CCDC102A: variants seen among roughly 807,000 people sequenced by gnomAD.
The protein encoded by CCDC102A is coiled-coil domain-containing protein 102A.
CCDC102A carries 40 observed loss-of-function variants against 55.5 expected under a neutral mutation model. The ratio of observed to expected loss-of-function variants is 0.72; its 90% CI spans 0.56 to 0.94. The LOEUF (loss-of-function observed/expected upper bound fraction) is 0.94. CCDC102A is among the 40% of genes least tolerant of loss of function. The pLI, the probability that CCDC102A is intolerant of heterozygous loss-of-function variation, is 0.00. For missense variants in CCDC102A, 779 were observed against 768.6 expected (o/e 1.01, Z -0.16); for synonymous variants, 323 against 339.0 (o/e 0.95, Z 0.52).
chr16:57,512,926 A>C, intron 8 of CCDC102A, 56 bp from the exon 9 acceptor site: 1 of 1,506,050 alleles, frequency 6.6e-7, no homozygotes, highest in Non-Finnish European at 9.1e-7. Flanking sequence ...TCCCCCGATA[A>C]GGTGGCTGCA....
chr16:57,522,267 G>A (rs2032065145), intron 3 of CCDC102A, among the ~76,000 whole-genome samples: 1 of 152,216 alleles, frequency 6.6e-6, no homozygotes, highest in African/African-American at 2.4e-5. Context: ...ATCTGGCTCT[G>A]TTGCTCAGGC....
At chr16:57,522,311 G>T (rs189320549) in intron 3 of CCDC102A, among the ~76,000 whole-genome samples, 1 of 152,230 alleles carries the variant, frequency 6.6e-6, no homozygotes, top group African/African-American at 2.4e-5. Context: ...CCCTGGAACT[G>T]CACTCCCTAC....
rs1365091531 is a variant in CCDC102A, at chr16:57,529,219, C to T, written c.-42G>A. 1.6e-5 allele frequency: 19 copies of T among 1,152,648 alleles called. No individual in the cohort carries two copies. The highest frequency in any genetic ancestry group is 4.7e-5 in the Admixed American group (1 of 21,070). 71.4% of individuals were successfully genotyped at this position (1,152,648 alleles called of 1,614,324 possible). A position where few individuals can be genotyped will look rare whatever the true frequency, so the allele number is the denominator to read the frequency against. ...CCCTGAGCTCGAACTCGCGGTCGGG[C>T]TCAGGGGCGGCTCCGGGGACGCGCG... On this transcript the variant is annotated 5_prime_UTR_variant, in exon 2 of 9. Transcript: ENST00000258214. The surrounding 1 kb of genome is among the most constrained non-coding windows in gnomAD (Gnocchi z 4.1).
chr16:57,518,402 G>T (rs2031994605), intron 5 of CCDC102A, 125 bp from the exon 6 acceptor site: 4 of 924,508 alleles, frequency 4.3e-6, no homozygotes, highest in Non-Finnish European at 6.5e-6. Context: ...TGCATTGGCT[G>T]TAATTAAGCT....
At position 57,520,482 on chromosome 16, in the gene CCDC102A, G is replaced by C. The variant is rs559460380; in HGVS notation, c.921+586C>G. Among the ~76,000 whole-genome samples, 3 of 151,580 alleles carry C rather than the reference G, an allele frequency of 2.0e-5. No homozygotes were observed. In the South Asian group the frequency reaches 6.2e-4, roughly 32 times the overall value. ...CCCATGCCCACAGCCCCCACAAAGT[G>C]AGCTCCTGAAGGCAGGGACCTTGCC... On this transcript the variant is annotated intron_variant, in intron 4 of 8. Transcript: ENST00000258214.
intron 8 of CCDC102A, among the ~76,000 whole-genome samples, chr16:57,514,350 C>A (rs1009950627): frequency 3.9e-5 from 6 of 152,192 alleles, no homozygotes; most frequent in African/African-American, 1.4e-4. Context: ...CAGGCACACA[C>A]CACCATGCCT....
chr16:57,530,244 C>G (rs1448020561), intron 1 of CCDC102A, among the ~76,000 whole-genome samples: 1 of 152,174 alleles, frequency 6.6e-6, no homozygotes, highest in Admixed American at 6.5e-5. Context: ...CTTCAGCCTC[C>G]CCATCGCCCA....
At chr16:57,536,638 CA>C (rs1327098052), upstream of CCDC102A, 2 of 152,146 alleles carry the variant, frequency 1.3e-5, no homozygotes, top group Non-Finnish European at 2.9e-5. Flanking sequence ...GGAGGGGAAG[CA>C]GGGGGAGCGG....
chr16:57,529,335 AC>A lies in CCDC102A; in HGVS notation c.-147-12del, dbSNP rs1223010694. On this transcript the variant is annotated splice_polypyrimidine_tract_variant and intron_variant, in intron 1 of 8. Coordinates refer to ENST00000258214, the MANE Select transcript of CCDC102A (RefSeq NM_033212.4). The surrounding 1 kb of genome is among the most constrained non-coding windows in gnomAD (Gnocchi z 4.1). ...GACGCCTCCTCGGACCTACGGGAGA[AC>A]ACAACCGTTATTGGACTGCGACCAC... The A allele has an allele frequency of 2.9e-6, 3 of 1,037,750 alleles. No homozygotes were observed. The highest frequency in any genetic ancestry group is 3.6e-6 in the Non-Finnish European group (3 of 842,436). The allele number at this position is 1,037,750 out of a possible 1,614,324, so 64.3% of individuals were successfully genotyped here. A position where few individuals can be genotyped will look rare whatever the true frequency, so the allele number is the denominator to read the frequency against.
chr16:57,534,573 C>G (rs57498868), intron 1 of CCDC102A, among the ~76,000 whole-genome samples: 7,131 of 152,264 alleles, frequency 0.047, 519 homozygotes, highest in African/African-American at 0.16. Flanking sequence ...CACCAGGCAC[C>G]TCCGTGTTCT....
At chr16:57,531,747 T>A (rs1296619509) in intron 1 of CCDC102A, among the ~76,000 whole-genome samples, 5 of 152,122 alleles carry the variant, frequency 3.3e-5, no homozygotes, top group Admixed American at 1.3e-4. Flanking sequence ...CCAGCTCACC[T>A]TCTGTGCTCC....
chr16:57,536,183 A>T (rs1047111123), intron 1 of CCDC102A, among the ~76,000 whole-genome samples: 15 of 151,896 alleles, frequency 9.9e-5, no homozygotes, highest in African/African-American at 3.6e-4. Flanking sequence ...CCCCCGGGAG[A>T]GTCCCAAATT....
intron 1 of CCDC102A, among the ~76,000 whole-genome samples, chr16:57,536,024 G>T (rs1188026822): frequency 6.6e-6 from 1 of 152,188 alleles, no homozygotes; most frequent in Non-Finnish European, 1.5e-5. Flanking sequence ...GCGGAGGGTG[G>T]AGGGGGTTCC....
At position 57,527,418 on chromosome 16, in the gene CCDC102A, C is replaced by CTTTGT. The variant is rs1555519820; in HGVS notation, c.585+1174_585+1175insACAAA. Among the ~76,000 whole-genome samples, 76 of 87,474 alleles carry CTTTGT rather than the reference C, an allele frequency of 8.7e-4. 1 individual carries two copies. Among genetic ancestry groups the CTTTGT allele is most frequent in the African/African-American group, 5.1e-3 (53 of 10,440 alleles). 57.4% of individuals were successfully genotyped at this position (87,474 alleles called of 152,430 possible). On this transcript the variant is annotated intron_variant, in intron 2 of 8. Transcript: ENST00000258214. ...CACCGGCTGGCAGACATTGCTGCTGCTTTTTTTTTTTTTTTTTTGAGATGG... is the reference window on the plus strand; with the variant it reads ...CACCGGCTGGCAGACATTGCTGCTGCTTTGTTTTTTTTTTTTTTTTTTTGAGATGG...
chr16:57,516,564 G>T lies in CCDC102A; in HGVS notation c.1249-101C>A. 1.1e-6 allele frequency: 1 copy of T among 911,804 alleles called. No individual in the cohort carries two copies. The highest frequency in any genetic ancestry group is 1.7e-6 in the Non-Finnish European group (1 of 584,988). 56.5% of individuals were successfully genotyped at this position (911,804 alleles called of 1,614,324 possible). On this transcript the variant is annotated intron_variant, in intron 6 of 8. Coordinates refer to ENST00000258214, the MANE Select transcript of CCDC102A (RefSeq NM_033212.4). The surrounding 1 kb of genome is among the most constrained non-coding windows in gnomAD (Gnocchi z 4.4). ...GAGGTCAGGCAGTTCTAGGGATGCT[G>T]GGTGTCTCTCCTTCCCAGAATCTCT... is the stretch of plus-strand genomic sequence containing the variant.
At chr16:57,528,544 C>A in intron 2 of CCDC102A, 49 bp downstream of exon 2, 1 of 1,151,626 alleles carries the variant, frequency 8.7e-7, no homozygotes, top group Non-Finnish European at 1.1e-6. Flanking sequence ...GACAATCGGC[C>A]CCGCCCACTT....
intron 3 of CCDC102A, 144 bp from the exon 4 acceptor site, chr16:57,521,320 A>T (rs1338827987): frequency 1.6e-6 from 1 of 637,914 alleles, no homozygotes. Flanking sequence ...CAGGCACCCT[A>T]TGTGGCTAGA....
chr16:57,512,474 G>A lies in CCDC102A; in HGVS notation c.*267C>T. ...CTGGACTGGGCCTTGGAGCTGTCCT[G>A]TATTTATAAAACCAAATGGGTCCAA... is the stretch of plus-strand genomic sequence containing the variant. On this transcript the variant is annotated 3_prime_UTR_variant, in exon 9 of 9. Coordinates refer to ENST00000258214, the MANE Select transcript of CCDC102A (RefSeq NM_033212.4). The A allele has an allele frequency of 2.3e-6, 1 of 432,860 alleles. No individual in the cohort carries two copies. Among genetic ancestry groups the A allele is most frequent in the Non-Finnish European group, 4.1e-6 (1 of 246,490 alleles). 26.8% of individuals were successfully genotyped at this position (432,860 alleles called of 1,614,324 possible).
chr16:57,516,655 C>G lies in CCDC102A; in HGVS notation c.1249-192G>C. 1 of 605,034 alleles carries G rather than the reference C, an allele frequency of 1.7e-6. No homozygotes were observed. The highest frequency in any genetic ancestry group is 2.0e-5 in the South Asian group (1 of 50,620). The allele number at this position is 605,034 out of a possible 1,614,324, so 37.5% of individuals were successfully genotyped here. A position where few individuals can be genotyped will look rare whatever the true frequency, so the allele number is the denominator to read the frequency against. ...AGCAGCCAGAGGCTGGAGGTGCCTT[C>G]CAGGGAGGTGAGAAGGCTGGGTGGG... On this transcript the variant is annotated intron_variant, in intron 6 of 8. Transcript: ENST00000258214. The surrounding 1 kb of genome is among the most constrained non-coding windows in gnomAD (Gnocchi z 4.4).
Sources: allele counts gnomAD v4.1 joint callset (sites outside exome capture counted in the v4.1 genomes callset), GRCh38; gene constraint gnomAD v4.1.1; non-coding constraint Gnocchi (gnomAD v3.1); transcripts MANE v1.5; gene names NCBI Gene and HGNC (gene_info 2026-07-23, HGNC 2026-07-21).